ARHGEF3: variants seen among roughly 807,000 people sequenced by gnomAD.
ARHGEF3 encodes Rho guanine nucleotide exchange factor 3.
In ARHGEF3, 28 loss-of-function variants were observed where a neutral mutation model predicts 63.2. The observed-to-expected ratio is 0.44, with a 90% CI of 0.33 to 0.61. ARHGEF3 has a LOEUF of 0.61. Among genes scored for constraint, ARHGEF3 ranks in the 20% least tolerant of loss-of-function variants. The probability of loss-of-function intolerance (pLI) is 0.03; values close to 1 mark genes in which losing one functional copy is unlikely to be tolerated. For missense variants in ARHGEF3, 533 were observed against 659.3 expected, an observed-to-expected ratio of 0.81 and a Z score of 2.10; for synonymous variants, 266 against 254.2, an observed-to-expected ratio of 1.05 and a Z score of -0.44.
intron 1 of ARHGEF3, among the ~76,000 whole-genome samples, chr3:57,056,115 C>T (rs375094433): frequency 4.7e-4 from 72 of 152,012 alleles, no homozygotes; most frequent in South Asian, 1.5e-3. Flanking sequence ...AGGCCGGGTG[C>T]GGTGGCTCAC....
intron 2 of ARHGEF3, among the ~76,000 whole-genome samples, chr3:56,758,596 T>G (rs1208286883): frequency 1.3e-5 from 2 of 152,182 alleles, no homozygotes; most frequent in African/African-American, 4.8e-5. Flanking sequence ...GGGGTGCTCC[T>G]GGGCTCACTA....
intron 1 of ARHGEF3, chr3:57,074,126 G>C: frequency 6.2e-7 from 1 of 1,614,044 alleles, no homozygotes; most frequent in Non-Finnish European, 8.5e-7. Flanking sequence ...CAGGATGGTT[G>C]TGGAGACTGT....
At chr3:57,017,628 C>A (rs116071909) in intron 2 of ARHGEF3, among the ~76,000 whole-genome samples, 1 of 152,240 alleles carries the variant, frequency 6.6e-6, no homozygotes, top group Non-Finnish European at 1.5e-5. Context: ...ACCAGCTCCA[C>A]GTCTGCAAGG....
chr3:56,922,206 C>T (rs9942003), intron 3 of ARHGEF3, among the ~76,000 whole-genome samples: 2,829 of 152,232 alleles, frequency 0.019, 69 homozygotes, highest in African/African-American at 0.062. Flanking sequence ...ACACAGGGGC[C>T]GCTTGCAAAT....
chr3:56,860,858 C>A (rs974512017), intron 4 of ARHGEF3, among the ~76,000 whole-genome samples: 1 of 152,134 alleles, frequency 6.6e-6, no homozygotes, highest in Non-Finnish European at 1.5e-5. Context: ...TCATTTCGTG[C>A]TCAGAAGCTG....
At chr3:56,968,287 A>AATATATAATATATATAAAATATATATTTT (rs1560094613) in intron 2 of ARHGEF3, among the ~76,000 whole-genome samples, 15 of 35,490 alleles carry the variant, frequency 4.2e-4, no homozygotes, top group Admixed American at 6.4e-4. Context: ...AAATATATAT[A>AATATATAATATATATAAAATATATATTTT]ATATATATAA....
rs370754404 is a variant in ARHGEF3 at position 57,053,335 on chromosome 3, G to A, written c.-27-18159C>T. On this transcript the variant is annotated intron_variant, in intron 1 of 12. Transcript: ENST00000338458. ...GAGCAATCACCGCTGCCCACACCTGGGGCAGGGAGGAGCTCCATGGCAGGA... is the reference window on the plus strand; with the variant it reads ...GAGCAATCACCGCTGCCCACACCTGAGGCAGGGAGGAGCTCCATGGCAGGA... Among the ~76,000 whole-genome samples the A allele has an allele frequency of 6.6e-4, 100 of 152,120 alleles. No individual in the cohort carries two copies. In the South Asian group the frequency reaches 0.021, roughly 31 times the overall value.
intron 2 of ARHGEF3, among the ~76,000 whole-genome samples, chr3:56,968,868 C>T (rs1700782602): frequency 6.6e-6 from 1 of 152,082 alleles, no homozygotes; most frequent in Non-Finnish European, 1.5e-5. Flanking sequence ...TGGCATGTGG[C>T]CATCATATTG....
chr3:56,987,661 G>A (rs1701594732), intron 2 of ARHGEF3, among the ~76,000 whole-genome samples: 1 of 152,088 alleles, frequency 6.6e-6, no homozygotes, highest in African/African-American at 2.4e-5. Flanking sequence ...CATAAACCTG[G>A]TAGAAGCAGA....
At chr3:57,055,337 T>C (rs187950731) in intron 1 of ARHGEF3, among the ~76,000 whole-genome samples, 66 of 152,146 alleles carry the variant, frequency 4.3e-4, no homozygotes, top group Non-Finnish European at 7.6e-4. Context: ...AATTTTCGTA[T>C]TTTTAGAAGA....
At chr3:57,051,089 G>A (rs1704649511) in intron 1 of ARHGEF3, among the ~76,000 whole-genome samples, 1 of 152,162 alleles carries the variant, frequency 6.6e-6, no homozygotes, top group Non-Finnish European at 1.5e-5. Context: ...AACCCCAGCA[G>A]GGCCAGGCAC....
chr3:56,924,591 A>C (rs2042231433), intron 3 of ARHGEF3, among the ~76,000 whole-genome samples: 1 of 152,238 alleles, frequency 6.6e-6, no homozygotes, highest in Non-Finnish European at 1.5e-5. Flanking sequence ...CAAGAGGTGG[A>C]TGATTCATGC....
At chr3:56,786,866 A>G (rs1358203454) in intron 1 of ARHGEF3, among the ~76,000 whole-genome samples, 1 of 151,850 alleles carries the variant, frequency 6.6e-6, no homozygotes, top group Non-Finnish European at 1.5e-5. Context: ...AAATGAAAGA[A>G]TAAATACAAA....
At chr3:57,012,335 T>A (rs1702737271) in intron 2 of ARHGEF3, among the ~76,000 whole-genome samples, 1 of 152,158 alleles carries the variant, frequency 6.6e-6, no homozygotes, top group East Asian at 1.9e-4. Context: ...CTTGGCTCAC[T>A]GCAACCTCCA....
At chr3:56,916,649 G>T (rs2041998565) in intron 3 of ARHGEF3, among the ~76,000 whole-genome samples, 1 of 152,186 alleles carries the variant, frequency 6.6e-6, no homozygotes, top group African/African-American at 2.4e-5. Context: ...GACAAACAGT[G>T]CTCACTGGGT....
At chr3:56,997,290 T>C (rs1412177869) in intron 2 of ARHGEF3, among the ~76,000 whole-genome samples, 2 of 152,102 alleles carry the variant, frequency 1.3e-5, no homozygotes, top group African/African-American at 4.8e-5. Context: ...CAATTCAGAC[T>C]TCTAGCCTGT....
intron 2 of ARHGEF3, among the ~76,000 whole-genome samples, chr3:57,032,271 A>C (rs767077630): frequency 6.6e-6 from 1 of 152,184 alleles, no homozygotes; most frequent in South Asian, 2.1e-4. Flanking sequence ...GGTACTGGTG[A>C]TATGCAGGAG....
At chr3:56,805,323 C>T (rs1287466197), upstream of ARHGEF3, among the ~76,000 whole-genome samples, 1 of 152,176 alleles carries the variant, frequency 6.6e-6, no homozygotes, top group Non-Finnish European at 1.5e-5. Flanking sequence ...CAGCCTCAAC[C>T]TCCTGGTCTC....
At chr3:56,812,062 C>G (rs959773688) in intron 4 of ARHGEF3, among the ~76,000 whole-genome samples, 9 of 152,168 alleles carry the variant, frequency 5.9e-5, no homozygotes, top group Admixed American at 2.0e-4. Context: ...CCTCCTATTA[C>G]GCTGGCACAT....
Sources: allele counts gnomAD v4.1 joint callset (sites outside exome capture counted in the v4.1 genomes callset), GRCh38; gene constraint gnomAD v4.1.1; transcripts MANE v1.5; gene names NCBI Gene and HGNC (gene_info 2026-07-23, HGNC 2026-07-21).